Variants in DROSHA observed in about 807,000 individuals in gnomAD.
The protein encoded by DROSHA is ribonuclease 3.
DROSHA carries 56 observed loss-of-function variants against 181.9 expected under a neutral mutation model. That is an observed-to-expected ratio of 0.31 (90% CI 0.25 to 0.38). The LOEUF (loss-of-function observed/expected upper bound fraction) is 0.38, where lower values mean the gene tolerates loss of function less well. Ranked by LOEUF, DROSHA falls within the 10% of genes least tolerant of loss-of-function variation. The pLI is 1.00. For synonymous variants in DROSHA, 524 were observed against 591.2 expected (o/e 0.89, Z 1.65); for missense variants, 1,218 against 1,743.5 (o/e 0.70, Z 5.37).
At chr5:31,448,679 GA>G (rs1252892477) in intron 22 of DROSHA, 72 bp from the exon 23 acceptor site, 6 of 1,168,730 alleles carry the variant, frequency 5.1e-6, no homozygotes, top group East Asian at 2.4e-5. Flanking sequence ...TATTACAGTA[GA>G]AAAAAATTAT....
At chr5:31,456,212 T>C (rs907487807) in intron 20 of DROSHA, among the ~76,000 whole-genome samples, 6 of 152,200 alleles carry the variant, frequency 3.9e-5, no homozygotes, top group Non-Finnish European at 8.8e-5. Context: ...TGATGATTAC[T>C]TGCAAATATA....
chr5:31,526,796 T>G lies in DROSHA; in HGVS notation c.137A>C (p.Gln46Pro). 6.2e-7 allele frequency: 1 copy of G among 1,610,628 alleles called. No homozygotes were observed. ...TTCATATTGATATTGCACAGGAGGC[T>G]GCTGAGGGTGAAGCAGCCTCAGATT... The part of the protein sequence containing the change: ...PQNLRLLHPQ[Q>P]PPVQYQYEPP... The change falls in exon 5 of 36, where the codon CAG (glutamine) becomes CCG (proline). Residue 46 changes from glutamine to proline, a missense_variant. By Grantham distance (76) the Gln-to-Pro change is moderately conservative. This residue lies in a region of DROSHA where 536 missense variants were observed against 535.4 expected (regional missense o/e 1.00). Transcript: ENST00000344624.
chr5:31,513,703 CA>C (rs1440831425), intron 8 of DROSHA, among the ~76,000 whole-genome samples: 1 of 152,086 alleles, frequency 6.6e-6, no homozygotes, highest in East Asian at 1.9e-4. Context: ...CACAAAATTC[CA>C]AATAACACAA....
chr5:31,479,732 T>C (rs1047462322), intron 16 of DROSHA, among the ~76,000 whole-genome samples: 3 of 152,164 alleles, frequency 2.0e-5, no homozygotes, highest in African/African-American at 4.8e-5. Context: ...ATTCACTATA[T>C]ATAACATATA....
At position 31,517,829 on chromosome 5, in the gene DROSHA, C is replaced by T. The variant is rs1346256786; in HGVS notation, c.948-2265G>A. 2.6e-5 allele frequency among the ~76,000 whole-genome samples: 4 copies of T among 152,006 alleles called. No homozygotes were observed. In the East Asian group the frequency reaches 7.7e-4, roughly 29 times the overall value. ...CCTGTAATCCTAGCACTTTGGGAGGCCGGGGTAGGAGGATCACTTGAGGCC... is the reference window on the plus strand; with the variant it reads ...CCTGTAATCCTAGCACTTTGGGAGGTCGGGGTAGGAGGATCACTTGAGGCC... On this transcript the variant is annotated intron_variant, in intron 6 of 35. Coordinates refer to ENST00000344624, the MANE Select transcript of DROSHA (RefSeq NM_001382508.1).
In DROSHA at chr5:31,515,191, C is replaced by T. The variant is rs536682487; in HGVS notation, c.1087G>A (p.Ala363Thr). 17 of 1,613,186 alleles carry T rather than the reference C, an allele frequency of 1.1e-5. No homozygotes were observed. The South Asian group carries it at 1.9e-4, about 18-fold the overall frequency. The change falls in exon 8 of 36, where the codon GCT becomes ACT. Residue 363 changes from alanine to threonine, a missense_variant. Ala to Thr is a moderately conservative substitution (Grantham distance 58). This residue lies in a region of DROSHA where 536 missense variants were observed against 535.4 expected (regional missense o/e 1.00). Transcript: ENST00000344624. ...HRSPSREKKR[A>T]RWEEEKDRWS... ...CGGTCTTTTTCTTCCTCCCAACGAG[C>T]TCTCTTCTTCTCCCTACTTGGGGAG... is the stretch of plus-strand genomic sequence containing the variant.
intron 11 of DROSHA, among the ~76,000 whole-genome samples, chr5:31,500,064 C>T (rs1753413721): frequency 6.6e-6 from 1 of 152,180 alleles, no homozygotes; most frequent in South Asian, 2.1e-4. Flanking sequence ...AATCATCTGA[C>T]TGCAGAGATG....
chr5:31,448,676 G>A lies in DROSHA; in HGVS notation c.2822-69C>T, dbSNP rs1746590474. 1.3e-5 allele frequency: 16 copies of A among 1,230,994 alleles called. 1 individual carries two copies. The South Asian group carries it at 2.0e-4, about 15-fold the overall frequency. The allele number at this position is 1,230,994 out of a possible 1,614,324, so 76.3% of individuals were successfully genotyped here. On this transcript the variant is annotated intron_variant, in intron 22 of 35. Coordinates refer to ENST00000344624, the MANE Select transcript of DROSHA (RefSeq NM_001382508.1). Reference sequence around the variant, plus strand: ...AGAATTATAGGACCATCATATTACAGTAGAAAAAAATTATCTCATCTCAAT... The same window carrying A: ...AGAATTATAGGACCATCATATTACAATAGAAAAAAATTATCTCATCTCAAT...
At chr5:31,428,893 G>T (rs1161435045) in intron 27 of DROSHA, among the ~76,000 whole-genome samples, 1 of 152,048 alleles carries the variant, frequency 6.6e-6, no homozygotes, top group African/African-American at 2.4e-5. Context: ...GGTGTCTCTG[G>T]CAATATTAAT....
intron 21 of DROSHA, among the ~76,000 whole-genome samples, chr5:31,450,941 C>T (rs1324278057): frequency 3.3e-5 from 5 of 152,208 alleles, no homozygotes; most frequent in African/African-American, 7.2e-5. Flanking sequence ...GTGGCTCACA[C>T]CTGTAATCCC....
At chr5:31,491,857 T>G (rs1435567793) in intron 13 of DROSHA, among the ~76,000 whole-genome samples, 1 of 152,236 alleles carries the variant, frequency 6.6e-6, no homozygotes, top group East Asian at 1.9e-4. Context: ...TGCAGCAGCA[T>G]GATCTCGGCT....
rs1554046150 is a variant in DROSHA, at chr5:31,514,260, CAT to C, written c.1290+726_1290+727del. ...ACACACACACACACACACACACACA[CAT>C]ACACATACACACTACAAACTGCATA... On this transcript the variant is annotated intron_variant, in intron 8 of 35. Coordinates refer to ENST00000344624, the MANE Select transcript of DROSHA (RefSeq NM_001382508.1). This position sits in a 1 kb window ranked among gnomAD's most constrained non-coding sequence, Gnocchi z 4.4. Among the ~76,000 whole-genome samples, 3 of 148,334 alleles carry C rather than the reference CAT, an allele frequency of 2.0e-5. No homozygotes were observed. Among genetic ancestry groups the C allele is most frequent in the Admixed American group, 1.3e-4 (2 of 15,014 alleles).
rs970742651 is a variant in DROSHA at position 31,526,215 on chromosome 5, G to A, written c.718C>T (p.Arg240Ter). ...DHRHRDHSHGRGERHRSLDRR... is the reference protein window; with the variant it reads ...DHRHRDHSHG ...TCCAGGGACCGATGCCTCTCACCTCGCCCATGACTGTGATCTCGGTGCCTG... is the reference window on the plus strand; with the variant it reads ...TCCAGGGACCGATGCCTCTCACCTCACCCATGACTGTGATCTCGGTGCCTG... Residue 240 changes from arginine to a stop codon, truncating the protein, a stop_gained, in exon 5 of 36, where the codon CGA becomes TGA. Transcript: ENST00000344624. LOFTEE classifies it high-confidence loss of function. 1.2e-6 allele frequency: 2 copies of A among 1,613,756 alleles called. No homozygotes were observed. Among genetic ancestry groups the A allele is most frequent in the Non-Finnish European group, 1.7e-6 (2 of 1,179,854 alleles).
intron 13 of DROSHA, among the ~76,000 whole-genome samples, chr5:31,492,217 G>A (rs1752506818): frequency 6.6e-6 from 1 of 152,016 alleles, no homozygotes; most frequent in Non-Finnish European, 1.5e-5. Context: ...AATTCTCTAG[G>A]ATAAAAAATA....
intron 16 of DROSHA, among the ~76,000 whole-genome samples, chr5:31,479,256 A>G (rs937628970): frequency 2.7e-4 from 41 of 152,222 alleles, no homozygotes; most frequent in Non-Finnish European, 2.4e-4. Context: ...CCATTTTCAC[A>G]TGTTCAGAAG....
chr5:31,522,820 T>A (rs1036921882), intron 5 of DROSHA, among the ~76,000 whole-genome samples: 6 of 152,236 alleles, frequency 3.9e-5, no homozygotes, highest in Non-Finnish European at 8.8e-5. Flanking sequence ...GTGCACTACA[T>A]CTGCCTGTAG....
At chr5:31,504,184 G>C (rs1021616463) in intron 11 of DROSHA, among the ~76,000 whole-genome samples, 3 of 152,162 alleles carry the variant, frequency 2.0e-5, no homozygotes, top group African/African-American at 7.2e-5. Context: ...CTAACAGAGA[G>C]AGAAGACATG....
intron 5 of DROSHA, among the ~76,000 whole-genome samples, chr5:31,523,443 A>G (rs1037627215): frequency 1.3e-5 from 2 of 152,232 alleles, no homozygotes; most frequent in African/African-American, 2.4e-5. Context: ...AAACAAATAC[A>G]TAACTCCAAG....
intron 33 of DROSHA, chr5:31,408,645 C>T (rs1480409017): frequency 6.0e-6 from 1 of 166,810 alleles, no homozygotes; most frequent in African/African-American, 2.4e-5. Flanking sequence ...CAGAGAGGTA[C>T]CCAAATATCG....
Sources: allele counts gnomAD v4.1 joint callset (sites outside exome capture counted in the v4.1 genomes callset), GRCh38; gene constraint gnomAD v4.1.1; regional missense constraint gnomAD v4.1.1; non-coding constraint Gnocchi (gnomAD v3.1); transcripts MANE v1.5; gene names NCBI Gene and HGNC (gene_info 2026-07-23, HGNC 2026-07-21).